The following COL23A1 variants were observed in gnomAD, a reference collection of about 807,000 sequenced individuals.
COL23A1 encodes collagen alpha-1(XXIII) chain.
A neutral mutation model predicts 99.3 loss-of-function variants in COL23A1; 97 were observed. The observed-to-expected ratio is 0.98, with a 90% CI of 0.83 to 1.16. The LOEUF (loss-of-function observed/expected upper bound fraction) is 1.16. COL23A1 is among the 50% of genes most tolerant of loss of function. The pLI is 0.00. For missense variants in COL23A1, 762 were observed against 757.4 expected (o/e 1.01, Z -0.07); for synonymous variants, 320 against 308.2 (o/e 1.04, Z -0.40).
At chr5:178,584,979 G>A (rs1281464048) in intron 1 of COL23A1, among the ~76,000 whole-genome samples, 1 of 152,134 alleles carries the variant, frequency 6.6e-6, no homozygotes, top group Non-Finnish European at 1.5e-5. Context: ...TCACTTCGGG[G>A]GCAGAACAGC....
chr5:178,435,071 G>A (rs1390354175), intron 2 of COL23A1, among the ~76,000 whole-genome samples: 4 of 152,194 alleles, frequency 2.6e-5, no homozygotes, highest in East Asian at 1.9e-4. Context: ...TAATCTTTTC[G>A]TCTATTCCTG....
At chr5:178,254,477 C>T (rs1765201077) in intron 16 of COL23A1, among the ~76,000 whole-genome samples, 3 of 152,212 alleles carry the variant, frequency 2.0e-5, no homozygotes, top group African/African-American at 7.2e-5. Context: ...GCTGCTGGCA[C>T]CCAGTGCCTC....
intron 3 of COL23A1, among the ~76,000 whole-genome samples, chr5:178,300,262 G>A (rs901472753): frequency 6.7e-6 from 1 of 149,628 alleles, no homozygotes; most frequent in African/African-American, 2.5e-5. Context: ...TTTTTCAGTA[G>A]AGACCATCTT....
intron 2 of COL23A1, among the ~76,000 whole-genome samples, chr5:178,531,545 G>A (rs1057186383): frequency 6.6e-6 from 1 of 152,130 alleles, no homozygotes; most frequent in Non-Finnish European, 1.5e-5. Flanking sequence ...CGGACTTTCC[G>A]CCTCTGGAAT....
intron 2 of COL23A1, among the ~76,000 whole-genome samples, chr5:178,348,981 G>A (rs1392564156): frequency 1.3e-5 from 2 of 152,014 alleles, no homozygotes; most frequent in East Asian, 3.9e-4. Context: ...GCAGGAGTGG[G>A]GTGAACACAT....
chr5:178,561,994 A>G, intron 1 of COL23A1: 1 of 467,680 alleles, frequency 2.1e-6, no homozygotes, highest in Non-Finnish European at 4.2e-6. Context: ...AGGCGCAGAG[A>G]GCGAAGCAGA....
chr5:178,247,876 C>T (rs1282853916), intron 20 of COL23A1, 45 bp from the exon 21 acceptor site: 1 of 1,540,518 alleles, frequency 6.5e-7, no homozygotes, highest in South Asian at 1.1e-5. Context: ...GCCTGTCACC[C>T]TCACCTACCC....
intron 2 of COL23A1, among the ~76,000 whole-genome samples, chr5:178,466,152 G>A (rs889137324): frequency 2.0e-5 from 3 of 152,146 alleles, no homozygotes; most frequent in Admixed American, 6.5e-5. Context: ...TCCCATCTTC[G>A]CCGGTGTTGG....
intron 2 of COL23A1, among the ~76,000 whole-genome samples, chr5:178,452,350 TC>T (rs1159737570): frequency 7.2e-5 from 11 of 152,136 alleles, no homozygotes; most frequent in African/African-American, 2.7e-4. Context: ...ACGGACATAT[TC>T]CAAGCAGATC....
rs1365485907 is a variant in COL23A1 at position 178,281,911 on chromosome 5, G to A, written c.441+6413C>T. On this transcript the variant is annotated intron_variant, in intron 5 of 28. Transcript: ENST00000390654. The surrounding 1 kb of genome is among the most constrained non-coding windows in gnomAD (Gnocchi z 4.0). ...TTAAAAACACAAAAAAATCAGCCAG[G>A]CGTGGTGGTGCGTACCTGTAATCCT... Among the ~76,000 whole-genome samples, 1 of 151,806 alleles carries A rather than the reference G, an allele frequency of 6.6e-6. No individual in the cohort carries two copies. The highest frequency in any genetic ancestry group is 1.9e-4 in the East Asian group (1 of 5,158).
chr5:178,368,175 T>C (rs976911209), intron 2 of COL23A1, among the ~76,000 whole-genome samples: 1 of 152,126 alleles, frequency 6.6e-6, no homozygotes, highest in Non-Finnish European at 1.5e-5. Context: ...GAACTTTCCA[T>C]GTGTGAAAGG....
intron 2 of COL23A1, among the ~76,000 whole-genome samples, chr5:178,311,664 C>T (rs1306423137): frequency 1.7e-5 from 1 of 59,452 alleles, no homozygotes; most frequent in Non-Finnish European, 4.8e-5. Context: ...GTGATCATCC[C>T]ACCATGGCCT....
In COL23A1 at chr5:178,589,428, C is replaced by T. The variant is rs528483040; in HGVS notation, c.294+476G>A. ...CACACTGGAGCACAGCGGGGCCCAG[C>T]CCTCGGGCCTGTCTGAGGCTTTCCT... is the stretch of plus-strand genomic sequence containing the variant. On this transcript the variant is annotated intron_variant, in intron 1 of 28. Coordinates refer to ENST00000390654, the MANE Select transcript of COL23A1 (RefSeq NM_173465.4). The surrounding 1 kb of genome is among the most constrained non-coding windows in gnomAD (Gnocchi z 5.4). 4.7e-4 allele frequency among the ~76,000 whole-genome samples: 72 copies of T among 152,260 alleles called. No individual in the cohort carries two copies. Among genetic ancestry groups the T allele is most frequent in the Middle Eastern group, 3.4e-3 (1 of 294 alleles).
Position 178,255,073 on chromosome 5 carries a change from G to A in COL23A1, c.883-47C>T. Reference sequence around the variant, plus strand: ...GAATTTCAGGGAAGAGCTACACTGAGTTGGAGGTGAAGTGGCAGCTGTCCC... The same window carrying A: ...GAATTTCAGGGAAGAGCTACACTGAATTGGAGGTGAAGTGGCAGCTGTCCC... On this transcript the variant is annotated intron_variant, in intron 15 of 28. Transcript: ENST00000390654. This position sits in a 1 kb window ranked among gnomAD's most constrained non-coding sequence, Gnocchi z 4.2. 4.7e-6 allele frequency: 7 copies of A among 1,497,836 alleles called. No homozygotes were observed. The highest frequency in any genetic ancestry group is 6.5e-6 in the Non-Finnish European group (7 of 1,075,728). 92.8% of individuals were successfully genotyped at this position (1,497,836 alleles called of 1,614,324 possible). A position where few individuals can be genotyped will look rare whatever the true frequency, so the allele number is the denominator to read the frequency against.
intron 2 of COL23A1, among the ~76,000 whole-genome samples, chr5:178,459,275 A>G (rs922951689): frequency 4.6e-5 from 7 of 152,192 alleles, no homozygotes; most frequent in Admixed American, 6.5e-5. Context: ...TTAAATATTT[A>G]TACTAAATAT....
intron 2 of COL23A1, among the ~76,000 whole-genome samples, chr5:178,509,479 C>T (rs752553849): frequency 1.5e-4 from 23 of 152,140 alleles, no homozygotes; most frequent in Non-Finnish European, 2.8e-4. Context: ...CCTCGGCCTC[C>T]CAAAGTGCTG....
chr5:178,577,693 C>G (rs541582419), intron 1 of COL23A1, among the ~76,000 whole-genome samples: 2 of 152,370 alleles, frequency 1.3e-5, no homozygotes, highest in Non-Finnish European at 2.9e-5. Flanking sequence ...GCGCTGCGCC[C>G]CCGCGGGGCA....
intron 2 of COL23A1, chr5:178,438,639 G>A (rs2127833735): frequency 6.6e-6 from 1 of 152,176 alleles, no homozygotes; most frequent in African/African-American, 2.4e-5. Context: ...CAGAACACGT[G>A]CAGTGGAATC....
At chr5:178,257,080 C>T in intron 13 of COL23A1, 152 bp from the exon 14 acceptor site, 1 of 684,824 alleles carries the variant, frequency 1.5e-6, no homozygotes, top group Non-Finnish European at 2.5e-6. Context: ...GCGGATGGAC[C>T]TCAGGCCTCT....
Sources: allele counts gnomAD v4.1 joint callset (sites outside exome capture counted in the v4.1 genomes callset), GRCh38; gene constraint gnomAD v4.1.1; non-coding constraint Gnocchi (gnomAD v3.1); transcripts MANE v1.5; gene names NCBI Gene and HGNC (gene_info 2026-07-23, HGNC 2026-07-21).